Variants in PXYLP1 observed in about 807,000 individuals in gnomAD.
PXYLP1 encodes the protein acid phosphatase-like 2.
In PXYLP1, 17 loss-of-function variants were observed where a neutral mutation model predicts 37.9. The observed-to-expected ratio is 0.45, with a 90% CI of 0.31 to 0.67. The LOEUF is 0.67. Among genes scored for constraint, PXYLP1 ranks in the 30% least tolerant of loss-of-function variants. PXYLP1 has a pLI of 0.07. For missense variants in PXYLP1, 511 were observed against 612.0 expected, an observed-to-expected ratio of 0.84 and a Z score of 1.74; for synonymous variants, 221 against 232.2, an observed-to-expected ratio of 0.95 and a Z score of 0.44.
intron 1 of PXYLP1, among the ~76,000 whole-genome samples, chr3:141,259,112 G>A (rs1941331133): frequency 1.3e-5 from 2 of 152,204 alleles, no homozygotes; most frequent in South Asian, 4.1e-4. Context: ...CACCCCAGGT[G>A]TACAGCTCAA....
At chr3:141,288,355 T>C (rs1229836063) in intron 5 of PXYLP1, among the ~76,000 whole-genome samples, 2 of 152,222 alleles carry the variant, frequency 1.3e-5, no homozygotes, top group Non-Finnish European at 2.9e-5. Flanking sequence ...CTCCATCCTA[T>C]AGTAGGCCCT....
chr3:141,278,203 A>G, intron 2 of PXYLP1, 139 bp from the exon 3 acceptor site: 1 of 955,446 alleles, frequency 1.0e-6, no homozygotes, highest in Non-Finnish European at 1.6e-6. Flanking sequence ...TGGGAAGCTG[A>G]CTTCTGCTCC....
Position 141,248,593 on chromosome 3 carries a change from A to G in PXYLP1, c.-53-11530A>G, listed in dbSNP as rs1445384309. On this transcript the variant is annotated intron_variant, in intron 1 of 5. Coordinates refer to ENST00000286353, the MANE Select transcript of PXYLP1 (RefSeq NM_001037172.3). The stretch of plus-strand genomic sequence containing the variant: ...TATACACACATGTATATATACACAC[A>G]CGTGTATATATACACACGTATATAT... Among the ~76,000 whole-genome samples the G allele has an allele frequency of 2.5e-4, 9 of 35,994 alleles. 1 individual carries two copies. The highest frequency in any genetic ancestry group is 4.0e-4 in the Non-Finnish European group (9 of 22,358). 23.6% of individuals were successfully genotyped at this position (35,994 alleles called of 152,430 possible).
At chr3:141,264,476 T>C (rs1439190380) in intron 2 of PXYLP1, among the ~76,000 whole-genome samples, 1 of 152,238 alleles carries the variant, frequency 6.6e-6, no homozygotes, top group Non-Finnish European at 1.5e-5. Flanking sequence ...TCTTTTCTCA[T>C]TGATCCAGTG....
At chr3:141,246,763 T>C (rs918668833) in intron 1 of PXYLP1, among the ~76,000 whole-genome samples, 3 of 152,218 alleles carry the variant, frequency 2.0e-5, no homozygotes, top group Admixed American at 6.5e-5. Flanking sequence ...TGTTGCCACA[T>C]AGTAAATCAT....
At chr3:141,270,415 G>A (rs1374885165) in intron 2 of PXYLP1, among the ~76,000 whole-genome samples, 1 of 152,172 alleles carries the variant, frequency 6.6e-6, no homozygotes, top group African/African-American at 2.4e-5. Flanking sequence ...TGGACTCTTC[G>A]TTGTGGTTCT....
At chr3:141,276,223 G>A (rs6772975) in intron 2 of PXYLP1, among the ~76,000 whole-genome samples, 24,316 of 152,148 alleles carry the variant, frequency 0.16, 2,792 homozygotes, top group African/African-American at 0.31. Context: ...CCATTGTTAC[G>A]CAACTCATGA....
At chr3:141,248,625 A>G (rs1221369725) in intron 1 of PXYLP1, among the ~76,000 whole-genome samples, 6 of 119,872 alleles carry the variant, frequency 5.0e-5, no homozygotes, top group Non-Finnish European at 9.5e-5. Flanking sequence ...ATATACACAC[A>G]CGTATATATA....
chr3:141,287,119 C>T (rs1942094621), intron 4 of PXYLP1, among the ~76,000 whole-genome samples, 195 bp from the exon 5 acceptor site: 1 of 152,166 alleles, frequency 6.6e-6, no homozygotes, highest in South Asian at 2.1e-4. Flanking sequence ...TGGCCAACCT[C>T]ACAGAGGGGA....
chr3:141,271,412 G>A (rs1477941441), intron 2 of PXYLP1, among the ~76,000 whole-genome samples: 2 of 152,206 alleles, frequency 1.3e-5, no homozygotes, highest in Admixed American at 1.3e-4. Flanking sequence ...CTAGCCCAGT[G>A]TTGAAGTCCC....
intron 1 of PXYLP1, among the ~76,000 whole-genome samples, chr3:141,253,451 T>C (rs1181985803): frequency 2.0e-5 from 3 of 152,116 alleles, no homozygotes; most frequent in African/African-American, 7.2e-5. Flanking sequence ...TTTAACACCA[T>C]CCCTTGAGTT....
At chr3:141,235,274 C>T (rs568504633) in intron 1 of PXYLP1, 2 of 152,354 alleles carry the variant, frequency 1.3e-5, no homozygotes, top group African/African-American at 4.8e-5. Context: ...CTTAGCACGG[C>T]AGGAGAGCAC....
chr3:141,279,664 G>A (rs766130731), intron 4 of PXYLP1, among the ~76,000 whole-genome samples, 160 bp downstream of exon 4: 2 of 152,192 alleles, frequency 1.3e-5, no homozygotes, highest in Non-Finnish European at 2.9e-5. Context: ...AAAGATGGAG[G>A]CCCACAGAGG....
intron 2 of PXYLP1, chr3:141,274,119 T>A (rs891258447): frequency 1.7e-5 from 17 of 998,580 alleles, no homozygotes; most frequent in Non-Finnish European, 2.0e-5. Context: ...GGGCAAAGCC[T>A]GCTGGGAGGA....
chr3:141,287,025 G>A (rs1567557), intron 4 of PXYLP1, among the ~76,000 whole-genome samples: 10,188 of 152,280 alleles, frequency 0.067, 470 homozygotes, highest in Non-Finnish European at 0.096. Context: ...GAGCGAGCCC[G>A]GAAGGCAGCA....
intron 3 of PXYLP1, 30 bp downstream of exon 3, chr3:141,278,530 A>G: frequency 6.2e-7 from 1 of 1,612,180 alleles, no homozygotes; most frequent in African/African-American, 1.3e-5. Context: ...CAGGACAGAT[A>G]CCCCTTTGGG....
At chr3:141,261,253 A>T (rs1941389486) in intron 2 of PXYLP1, among the ~76,000 whole-genome samples, 1 of 152,090 alleles carries the variant, frequency 6.6e-6, no homozygotes, top group Non-Finnish European at 1.5e-5. Context: ...TTAGGAGTTT[A>T]GGTAATCTTC....
chr3:141,240,242 G>C (rs1483524048), intron 1 of PXYLP1, among the ~76,000 whole-genome samples: 2 of 152,158 alleles, frequency 1.3e-5, no homozygotes, highest in African/African-American at 2.4e-5. Context: ...CCAGTTAAAC[G>C]GGCCATGTGA....
chr3:141,279,434 G>A lies in PXYLP1; in HGVS notation c.295G>A (p.Asp99Asn), dbSNP rs1389220254. Residue 99 changes from aspartate to asparagine, a missense_variant, in exon 4 of 6, where the codon GAC becomes AAC. Physicochemically the swap from Asp to Asn is conservative, Grantham distance 23 (BLOSUM62 1). Transcript: ENST00000286353. ...AGTGCATGTGTTCATTCGCCACGGA[G>A]ACAGGTACCCACTGTATGTCATTCC... ...VSVHVFIRHG[D>N]RYPLYVIPKT... 6.2e-7 allele frequency: 1 copy of A among 1,614,106 alleles called. No homozygotes were observed. The highest frequency in any genetic ancestry group is 1.3e-5 in the African/African-American group (1 of 74,928).
Sources: allele counts gnomAD v4.1 joint callset (sites outside exome capture counted in the v4.1 genomes callset), GRCh38; gene constraint gnomAD v4.1.1; transcripts MANE v1.5; gene names NCBI Gene and HGNC (gene_info 2026-07-23, HGNC 2026-07-21).